MIOS: variants seen among roughly 807,000 people sequenced by gnomAD.
MIOS encodes the protein GATOR2 complex protein MIOS.
A neutral mutation model predicts 96.9 loss-of-function variants in MIOS; 52 were observed. That is an observed-to-expected ratio of 0.54 (90% CI 0.43 to 0.68). MIOS has a LOEUF of 0.68. Among genes scored for constraint, MIOS ranks in the 30% least tolerant of loss-of-function variants. The pLI, the probability that MIOS is intolerant of heterozygous loss-of-function variation, is 0.00. For missense variants in MIOS, 1,005 were observed against 1,052.8 expected, an observed-to-expected ratio of 0.95 and a Z score of 0.63; for synonymous variants, 397 against 359.5, an observed-to-expected ratio of 1.10 and a Z score of -1.18.
intron 3 of MIOS, among the ~76,000 whole-genome samples, chr7:7,569,792 C>T (rs1024908826): frequency 2.0e-5 from 3 of 152,262 alleles, no homozygotes; most frequent in Admixed American, 2.0e-4. Flanking sequence ...CAAGGTTGAG[C>T]AGGTATTAAC....
intron 11 of MIOS, 132 bp downstream of exon 11, chr7:7,596,593 C>G (rs889101948): frequency 1.3e-6 from 1 of 797,568 alleles, no homozygotes; most frequent in East Asian, 2.7e-5. Flanking sequence ...AGCTTGAAGG[C>G]TTTTATGTTC....
Position 7,605,992 on chromosome 7 carries a change from G to T in MIOS, c.2452G>T (p.Ala818Ser). The stretch of plus-strand genomic sequence containing the variant: ...GGACTTGAGCAAGGACAAAAAATTA[G>T]CCCAATTTAACAACTGGTTTACATG... ...KVDLSKDKKL[A>S]QFNNWFTWCH... The change falls in exon 12 of 13, where the codon GCC becomes TCC. Residue 818 changes from alanine (A) to serine (S), a missense_variant. Transcript: ENST00000340080. The T allele has an allele frequency of 6.2e-7, 1 of 1,613,874 alleles. No individual in the cohort carries two copies. The highest frequency in any genetic ancestry group is 8.5e-7 in the Non-Finnish European group (1 of 1,179,864).
intron 11 of MIOS, among the ~76,000 whole-genome samples, chr7:7,597,249 C>G (rs1312143867): frequency 6.6e-6 from 1 of 151,086 alleles, no homozygotes; most frequent in African/African-American, 2.4e-5. Context: ...TTGCTTGAAC[C>G]CGGGAGGCAG....
intron 8 of MIOS, 95 bp downstream of exon 8, chr7:7,588,658 T>C (rs1783960543): frequency 1.5e-6 from 1 of 652,482 alleles, no homozygotes; most frequent in Non-Finnish European, 2.3e-6. Flanking sequence ...TGTATGAGAT[T>C]GATAAGCTAA....
chr7:7,574,406 CTGAAG>C (rs1161605190), intron 5 of MIOS, among the ~76,000 whole-genome samples: 2 of 152,062 alleles, frequency 1.3e-5, no homozygotes, highest in African/African-American at 4.8e-5. Flanking sequence ...TCTTAATTCT[CTGAAG>C]TGATGTTGAT....
At chr7:7,589,880 A>T (rs1434763187) in intron 9 of MIOS, among the ~76,000 whole-genome samples, 2 of 152,224 alleles carry the variant, frequency 1.3e-5, no homozygotes, top group Non-Finnish European at 2.9e-5. Flanking sequence ...TCTACAAGAA[A>T]GATTGGCTTT....
chr7:7,595,001 A>G lies in MIOS; in HGVS notation c.2065A>G (p.Lys689Glu). 2.5e-6 allele frequency: 4 copies of G among 1,606,932 alleles called. No homozygotes were observed. Among genetic ancestry groups the G allele is most frequent in the South Asian group, 2.2e-5 (2 of 89,242 alleles). Residue 689 changes from lysine to glutamate, a missense_variant, in exon 10 of 13, where the codon AAA becomes GAA. By Grantham distance (56) the Lys-to-Glu change is moderately conservative (BLOSUM62 1). Coordinates refer to ENST00000340080, the MANE Select transcript of MIOS (RefSeq NM_019005.4). ...MLQGSPLDVL[K>E]DERVQYWIEN... is the part of the protein sequence containing the mutation. ...TTAGGGTTCACCTTTAGATGTTCTT[A>G]AAGATGAAAGGGTTCAGTACTGGAT...
rs1784556997 is a variant in MIOS at position 7,607,193 on chromosome 7, C to T, written c.*101C>T. The T allele has an allele frequency of 3.8e-6, 3 of 785,812 alleles. No homozygotes were observed. The highest frequency in any genetic ancestry group is 4.8e-4 in the Middle Eastern group (2 of 4,202). The allele number at this position is 785,812 out of a possible 1,614,324, so 48.7% of individuals were successfully genotyped here. On this transcript the variant is annotated 3_prime_UTR_variant, in exon 13 of 13. Transcript: ENST00000340080. ...TCAGAACAAGCCATTCATGACTTAC[C>T]TGTAATGGGAAAATAAATCATTCTA...
intron 3 of MIOS, among the ~76,000 whole-genome samples, chr7:7,570,580 T>G (rs1353444231): frequency 6.6e-6 from 1 of 151,912 alleles, no homozygotes; most frequent in Non-Finnish European, 1.5e-5. Flanking sequence ...CTCACCGTAA[T>G]GTAGAATCAG....
intron 3 of MIOS, among the ~76,000 whole-genome samples, chr7:7,570,328 G>A (rs1783308575): frequency 6.6e-6 from 1 of 152,100 alleles, no homozygotes; most frequent in African/African-American, 2.4e-5. Flanking sequence ...GAGGGTGCTA[G>A]TAAGAATATT....
intron 3 of MIOS, among the ~76,000 whole-genome samples, chr7:7,568,414 C>A (rs1783227057): frequency 6.6e-6 from 1 of 152,042 alleles, no homozygotes; most frequent in African/African-American, 2.4e-5. Context: ...AGATTGTTTT[C>A]TTTACACCAG....
rs1194325921 is a variant in MIOS, at chr7:7,570,793, T to C, written c.-40-1643T>C. 2.0e-5 allele frequency among the ~76,000 whole-genome samples: 3 copies of C among 152,016 alleles called. No individual in the cohort carries two copies. In the East Asian group the frequency reaches 5.8e-4, roughly 29 times the overall value. On this transcript the variant is annotated intron_variant, in intron 3 of 12. Coordinates refer to ENST00000340080, the MANE Select transcript of MIOS (RefSeq NM_019005.4). ...ACAGGAGGCGGAGCTCAGGCAGCAGTGTGTGAGATGAGTGGCTGTAAATAA... is the reference window on the plus strand; with the variant it reads ...ACAGGAGGCGGAGCTCAGGCAGCAGCGTGTGAGATGAGTGGCTGTAAATAA...
At chr7:7,601,077 G>C (rs1259436506) in intron 11 of MIOS, among the ~76,000 whole-genome samples, 2 of 151,724 alleles carry the variant, frequency 1.3e-5, no homozygotes, top group Non-Finnish European at 2.9e-5. Context: ...AGTGTTTAGA[G>C]GGAAATTTAT....
intron 9 of MIOS, among the ~76,000 whole-genome samples, chr7:7,591,297 GTT>G (rs71010984): frequency 3.7e-5 from 5 of 135,984 alleles, no homozygotes; most frequent in Admixed American, 7.4e-5. Context: ...TTTTTGTTGG[GTT>G]TTTTTTTTTT....
At position 7,585,681 on chromosome 7, in the gene MIOS, C is replaced by G; in HGVS notation, c.1694C>G (p.Thr565Arg). ...NVVAMALSGY[T>R]DEKNSLWREM... ...GTAGCAATGGCTTTATCGGGTTATA[C>G]GGATGAGAAGAACTCCCTTTGGAGA... The change falls in exon 7 of 13, where the codon ACG (threonine) becomes AGG (arginine). Residue 565 changes from threonine to arginine, a missense_variant. Coordinates refer to ENST00000340080, the MANE Select transcript of MIOS (RefSeq NM_019005.4). 6.2e-7 allele frequency: 1 copy of G among 1,606,972 alleles called. No homozygotes were observed. Among genetic ancestry groups the G allele is most frequent in the Non-Finnish European group, 8.5e-7 (1 of 1,176,904 alleles).
chr7:7,606,617 A>C (rs1367979552), intron 12 of MIOS, among the ~76,000 whole-genome samples: 3 of 152,220 alleles, frequency 2.0e-5, no homozygotes, highest in Non-Finnish European at 4.4e-5. Flanking sequence ...CTTCACAACT[A>C]TAAATGAAAT....
chr7:7,572,203 A>C lies in MIOS; in HGVS notation c.-40-233A>C, dbSNP rs1318093847. Among the ~76,000 whole-genome samples, 1 of 152,248 alleles carries C rather than the reference A, an allele frequency of 6.6e-6. No individual in the cohort carries two copies. Among genetic ancestry groups the C allele is most frequent in the Non-Finnish European group, 1.5e-5 (1 of 68,044 alleles). On this transcript the variant is annotated intron_variant, in intron 3 of 12. Transcript: ENST00000340080. This position sits in a 1 kb window ranked among gnomAD's most constrained non-coding sequence, Gnocchi z 4.8. ...ATAATTGATCATGGGAAATATAGCC[A>C]GGATGGGATTCTCAGATTCCTACCA...
intron 5 of MIOS, among the ~76,000 whole-genome samples, chr7:7,575,708 A>G (rs1354875527): frequency 1.3e-5 from 2 of 152,192 alleles, no homozygotes; most frequent in Non-Finnish European, 2.9e-5. Flanking sequence ...AGGAAAAGCC[A>G]GCATCTGAGG....
chr7:7,592,731 C>T (rs1220216536), intron 9 of MIOS, among the ~76,000 whole-genome samples: 3 of 152,106 alleles, frequency 2.0e-5, no homozygotes, highest in African/African-American at 7.2e-5. Flanking sequence ...CTATGAGAAT[C>T]TAATGCCACC....
Sources: gnomAD v4.1 joint callset for allele counts (sites outside exome capture counted in the v4.1 genomes callset) on GRCh38, gnomAD v4.1.1 for gene constraint, Gnocchi (gnomAD v3.1) non-coding constraint, MANE v1.5 for transcripts, NCBI Gene and HGNC (gene_info 2026-07-23, HGNC 2026-07-21) for gene names.